Variants in MEGF9 observed in about 807,000 individuals in gnomAD.
MEGF9 encodes multiple EGF like domains 9.
A neutral mutation model predicts 46.8 loss-of-function variants in MEGF9; 6 were observed. The ratio of observed to expected loss-of-function variants is 0.13; its 90% CI spans 0.07 to 0.25. MEGF9 has a LOEUF of 0.25. Among genes scored for constraint, MEGF9 ranks in the 10% least tolerant of loss-of-function variants. The probability of loss-of-function intolerance (pLI) is 1.00; values close to 1 mark genes in which losing one functional copy is unlikely to be tolerated. For missense variants in MEGF9, 683 were observed against 792.4 expected, an observed-to-expected ratio of 0.86 and a Z score of 1.66; for synonymous variants, 302 against 330.7, an observed-to-expected ratio of 0.91 and a Z score of 0.94.
At chr9:120,689,063 C>T (rs2043836777) in intron 1 of MEGF9, among the ~76,000 whole-genome samples, 1 of 151,708 alleles carries the variant, frequency 6.6e-6, no homozygotes, top group South Asian at 2.1e-4. Flanking sequence ...TCTTATACAG[C>T]TTAATGTCTT....
chr9:120,713,957 C>G lies in MEGF9; in HGVS notation c.402G>C (p.Ser134=). The G allele has an allele frequency of 1.4e-6, 2 of 1,380,530 alleles. No individual in the cohort carries two copies. 85.5% of individuals were successfully genotyped at this position (1,380,530 alleles called of 1,614,324 possible). Residue 134 remains serine (S), a synonymous_variant, in exon 1 of 6, where the codon TCG becomes TCC. Transcript: ENST00000373930. Reference sequence around the variant, plus strand: ...GTCTGGTCGGCGCCTGAGAGGTGGTCGAAGTGCGTTCCGCCGCCGGAGGGG... The same window carrying G: ...GTCTGGTCGGCGCCTGAGAGGTGGTGGAAGTGCGTTCCGCCGCCGGAGGGG... ...PTTPPAAERT[S]TTSQAPTRPA...
At position 120,622,676 on chromosome 9, in the gene MEGF9, T is replaced by C; in HGVS notation, c.883A>G (p.Lys295Glu). 2 of 1,613,900 alleles carry C rather than the reference T, an allele frequency of 1.2e-6. No homozygotes were observed. Among genetic ancestry groups the C allele is most frequent in the Non-Finnish European group, 1.7e-6 (2 of 1,179,846 alleles). ...RCQDGYYGFS[K>E]NGCLPCQCNN... The stretch of plus-strand genomic sequence containing the variant: ...CATTGGCAGGGCAAGCAGCCATTCT[T>C]ACTAAAGCCATAATATCCATCTTGG... The change falls in exon 3 of 6, where the codon AAG becomes GAG. Residue 295 changes from lysine (K) to glutamate (E), a missense_variant. This residue lies in a region of MEGF9 where 313 missense variants were observed against 421.1 expected (regional missense o/e 0.74). Transcript: ENST00000373930.
At chr9:120,644,364 T>C (rs1301318355) in intron 2 of MEGF9, among the ~76,000 whole-genome samples, 1 of 152,224 alleles carries the variant, frequency 6.6e-6, no homozygotes, top group Non-Finnish European at 1.5e-5. Flanking sequence ...GTAATGTATC[T>C]TTCTCATCTC....
At chr9:120,711,840 TACATACACAC>T (rs1297658377) in intron 1 of MEGF9, among the ~76,000 whole-genome samples, 1 of 139,158 alleles carries the variant, frequency 7.2e-6, no homozygotes, top group Non-Finnish European at 1.5e-5. Context: ...TATACATACA[TACATACACAC>T]ACACACACAC....
intron 4 of MEGF9, 146 bp downstream of exon 4, chr9:120,612,250 T>C (rs2043450924): frequency 1.6e-6 from 1 of 634,362 alleles, no homozygotes; most frequent in East Asian, 2.9e-5. Context: ...GATTAGATTA[T>C]AAATTCCTGG....
chr9:120,653,425 G>GT (rs1261700787), intron 2 of MEGF9, among the ~76,000 whole-genome samples: 1 of 150,208 alleles, frequency 6.7e-6, no homozygotes, highest in Non-Finnish European at 1.5e-5. Flanking sequence ...AGGCTGGAGT[G>GT]TAATAGTGCT....
intron 2 of MEGF9, among the ~76,000 whole-genome samples, chr9:120,626,154 T>A (rs2043524625): frequency 6.6e-6 from 1 of 152,206 alleles, no homozygotes; most frequent in Admixed American, 6.5e-5. Context: ...ATCTGTACTA[T>A]GAGATCAGCT....
intron 1 of MEGF9, among the ~76,000 whole-genome samples, chr9:120,708,414 TA>T (rs2043938436): frequency 1.3e-5 from 2 of 152,276 alleles, no homozygotes; most frequent in South Asian, 4.1e-4. Context: ...AATCCATCTG[TA>T]ATATTTTGTT....
At position 120,622,655 on chromosome 9, in the gene MEGF9, G is replaced by T; in HGVS notation, c.904C>A (p.Gln302Lys). 6.2e-7 allele frequency: 1 copy of T among 1,613,626 alleles called. No homozygotes were observed. Among genetic ancestry groups the T allele is most frequent in the Non-Finnish European group, 8.5e-7 (1 of 1,179,820 alleles). The change falls in exon 3 of 6, where the codon CAA (glutamine) becomes AAA (lysine). Residue 302 changes from glutamine to lysine, a missense_variant. Transcript: ENST00000373930. The part of the protein sequence containing the change: ...GFSKNGCLPC[Q>K]CNNRSASCDA... ...CAACTGGCAGACCGATTATTGCATTGGCAGGGCAAGCAGCCATTCTTACTA... is the reference window on the plus strand; with the variant it reads ...CAACTGGCAGACCGATTATTGCATTTGCAGGGCAAGCAGCCATTCTTACTA...
At chr9:120,662,169 T>G (rs569004922) in intron 1 of MEGF9, among the ~76,000 whole-genome samples, 1 of 152,252 alleles carries the variant, frequency 6.6e-6, no homozygotes, top group Non-Finnish European at 1.5e-5. Flanking sequence ...TAATATTTTT[T>G]CCAGTGAAGT....
intron 1 of MEGF9, among the ~76,000 whole-genome samples, chr9:120,699,756 C>G (rs956644183): frequency 3.3e-5 from 5 of 149,916 alleles, no homozygotes; most frequent in Non-Finnish European, 5.9e-5. Flanking sequence ...TAAGTAGAAC[C>G]CATTCTAAAC....
chr9:120,615,406 C>T (rs1395510973), intron 3 of MEGF9, among the ~76,000 whole-genome samples: 1 of 151,314 alleles, frequency 6.6e-6, no homozygotes, highest in African/African-American at 2.4e-5. Flanking sequence ...CTAAATAAGA[C>T]TCCACATGTT....
Position 120,605,056 on chromosome 9 carries a change from T to C in MEGF9, c.*134A>G. 1.2e-6 allele frequency: 1 copy of C among 837,390 alleles called. No homozygotes were observed. Among genetic ancestry groups the C allele is most frequent in the Non-Finnish European group, 1.8e-6 (1 of 546,242 alleles). The allele number at this position is 837,390 out of a possible 1,614,324, so 51.9% of individuals were successfully genotyped here. On this transcript the variant is annotated 3_prime_UTR_variant, in exon 6 of 6. Transcript: ENST00000373930. The surrounding 1 kb of genome is among the most constrained non-coding windows in gnomAD (Gnocchi z 4.0). ...TAGATAGGCTAAGCGCATTACAAAT[T>C]TGTACCTGAAAATTTCAGATGCACT...
chr9:120,709,073 C>T (rs1332673081), intron 1 of MEGF9, among the ~76,000 whole-genome samples: 1 of 152,138 alleles, frequency 6.6e-6, no homozygotes, highest in Non-Finnish European at 1.5e-5. Flanking sequence ...GGTTAGAGCA[C>T]ATCTGGAGTA....
At chr9:120,617,048 C>G (rs1006696025) in intron 3 of MEGF9, among the ~76,000 whole-genome samples, 1 of 152,076 alleles carries the variant, frequency 6.6e-6, no homozygotes. Context: ...TCATTATGCT[C>G]TGCCTGGAAC....
In MEGF9 at chr9:120,611,862, A is replaced by AGGGAG. The variant is rs1564411685; in HGVS notation, c.1087+533_1087+534insCTCCC. On this transcript the variant is annotated intron_variant, in intron 4 of 5. Transcript: ENST00000373930. ...AAGGAAGGAAGGAAGGAAGGAAGGAAGAAAGAGAGAGAGAGAGAGAGAGAA... is the reference window on the plus strand; with the variant it reads ...AAGGAAGGAAGGAAGGAAGGAAGGAAGGGAGGAAAGAGAGAGAGAGAGAGAGAGAA... 9.4e-3 allele frequency among the ~76,000 whole-genome samples: 1,244 copies of AGGGAG among 132,824 alleles called. 20 individuals carry two copies. Among genetic ancestry groups the AGGGAG allele is most frequent in the African/African-American group, 0.031 (1,072 of 34,060 alleles). 87.1% of individuals were successfully genotyped at this position (132,824 alleles called of 152,430 possible). A position where few individuals can be genotyped will look rare whatever the true frequency, so the allele number is the denominator to read the frequency against.
Position 120,608,017 on chromosome 9 carries a change from G to C in MEGF9, c.1088-7C>G, listed in dbSNP as rs1307396189. The C allele has an allele frequency of 1.2e-6, 2 of 1,613,208 alleles. No individual in the cohort carries two copies. Among genetic ancestry groups the C allele is most frequent in the East Asian group, 2.2e-5 (1 of 44,870 alleles). On this transcript the variant is annotated splice_polypyrimidine_tract_variant and splice_region_variant and intron_variant, in intron 4 of 5. Coordinates refer to ENST00000373930, the MANE Select transcript of MEGF9 (RefSeq NM_001080497.3). ...GGTTCCAATTCACTCGATTCTAAAA[G>C]AGAGAATGCCAAAATAGTTTAGTAC...
Position 120,604,984 on chromosome 9 carries a change from C to T in MEGF9, c.*206G>A, listed in dbSNP as rs1317094986. The T allele has an allele frequency of 1.7e-5, 10 of 592,322 alleles. No homozygotes were observed. Among genetic ancestry groups the T allele is most frequent in the Non-Finnish European group, 2.1e-5 (7 of 339,224 alleles). 36.7% of individuals were successfully genotyped at this position (592,322 alleles called of 1,614,324 possible). On this transcript the variant is annotated 3_prime_UTR_variant, in exon 6 of 6. Transcript: ENST00000373930. The stretch of plus-strand genomic sequence containing the variant: ...ACAAAAATATACTTTACTTCAAGTC[C>T]TAATGACAGTGAACGCTTCAGATCT...
intron 2 of MEGF9, among the ~76,000 whole-genome samples, chr9:120,653,534 G>A (rs2043663197): frequency 6.6e-6 from 1 of 151,980 alleles, no homozygotes; most frequent in Non-Finnish European, 1.5e-5. Flanking sequence ...ACCACATCCA[G>A]CTAATTTTTG....
Sources: gnomAD v4.1 joint callset for allele counts (sites outside exome capture counted in the v4.1 genomes callset) on GRCh38, gnomAD v4.1.1 for gene constraint, gnomAD v4.1.1 regional missense constraint, Gnocchi (gnomAD v3.1) non-coding constraint, MANE v1.5 for transcripts, NCBI Gene and HGNC (gene_info 2026-07-23, HGNC 2026-07-21) for gene names.